HERC3: variants seen among roughly 807,000 people sequenced by gnomAD.
HERC3 encodes HECT and RLD domain containing E3 ubiquitin protein ligase 3.
In HERC3, 58 loss-of-function variants were observed where a neutral mutation model predicts 129.9. The ratio of observed to expected loss-of-function variants is 0.45; its 90% confidence interval spans 0.36 to 0.56. HERC3 has a LOEUF of 0.56. HERC3 is among the 20% of genes least tolerant of loss of function. The pLI, the probability that HERC3 is intolerant of heterozygous loss-of-function variation, is 0.00. For missense variants in HERC3, 835 were observed against 1,244.2 expected (o/e 0.67, Z 4.95); for synonymous variants, 430 against 451.0 (o/e 0.95, Z 0.59).
chr4:88,615,450 A>G (rs1349552159), intron 3 of HERC3, among the ~76,000 whole-genome samples: 1 of 152,186 alleles, frequency 6.6e-6, no homozygotes, highest in East Asian at 1.9e-4. Flanking sequence ...TAGACTTTCC[A>G]TCATTTTTTC....
Position 88,670,236 on chromosome 4 carries a change from T to C in HERC3, c.1895T>C (p.Leu632Ser). The C allele has an allele frequency of 6.2e-7, 1 of 1,608,622 alleles. No individual in the cohort carries two copies. Among genetic ancestry groups the C allele is most frequent in the Non-Finnish European group, 8.5e-7 (1 of 1,175,104 alleles). ...DIQEDYLMWFLHQAGMKARPS... is the reference protein window; with the variant it reads ...DIQEDYLMWFSHQAGMKARPS... ...CAGGAAGACTACCTCATGTGGTTCT[T>C]GCATCAAGCAGGGATGGTAAGAATT... is the stretch of plus-strand genomic sequence containing the variant. Residue 632 changes from leucine (L) to serine (S), a missense_variant, in exon 16 of 26, where the codon TTG becomes TCG. By Grantham distance (145) the Leu-to-Ser change is moderately radical (BLOSUM62 -2). Transcript: ENST00000402738.
intron 7 of HERC3, 94 bp downstream of exon 7, chr4:88,654,227 C>T (rs1729597832): frequency 1.2e-6 from 1 of 850,094 alleles, no homozygotes; most frequent in Non-Finnish European, 1.9e-6. Context: ...TGTGTGATTA[C>T]AGTATTGTGG....
chr4:88,612,289 C>CTGTGTGTGTGTG (rs3220740), intron 3 of HERC3, among the ~76,000 whole-genome samples: 3,197 of 141,620 alleles, frequency 0.023, 74 homozygotes, highest in South Asian at 0.12. Context: ...ATGTGACCAA[C>CTGTGTGTGTGTG]TGTGTGTGTG....
chr4:88,588,344 T>G (rs1311170327), upstream of HERC3, among the ~76,000 whole-genome samples: 1 of 152,254 alleles, frequency 6.6e-6, no homozygotes, highest in East Asian at 1.9e-4. Context: ...TGTTTCATAT[T>G]AATAAATCAA....
At chr4:88,616,778 A>G (rs1724946742) in intron 3 of HERC3, among the ~76,000 whole-genome samples, 1 of 152,158 alleles carries the variant, frequency 6.6e-6, no homozygotes, top group African/African-American at 2.4e-5. Context: ...AATGAGTAAA[A>G]TTTATCATCT....
chr4:88,692,844 T>TG, intron 23 of HERC3: 1 of 967,238 alleles, frequency 1.0e-6, no homozygotes, highest in Non-Finnish European at 1.2e-6. Flanking sequence ...TACCAGCATA[T>TG]GGCCTCTCAG....
chr4:88,703,157 C>T (rs1735474616), intron 23 of HERC3, among the ~76,000 whole-genome samples: 1 of 152,158 alleles, frequency 6.6e-6, no homozygotes, highest in South Asian at 2.1e-4. Flanking sequence ...AATACACACC[C>T]TTAACCAGTC....
intron 3 of HERC3, among the ~76,000 whole-genome samples, chr4:88,627,904 CAAA>C (rs60358778): frequency 2.3e-4 from 19 of 80,956 alleles, no homozygotes; most frequent in Admixed American, 2.7e-4. Flanking sequence ...AACTCCGTCT[CAAA>C]AAAAAAAAAA....
At chr4:88,623,699 T>C (rs1219685063) in intron 3 of HERC3, among the ~76,000 whole-genome samples, 1 of 152,190 alleles carries the variant, frequency 6.6e-6, no homozygotes, top group East Asian at 1.9e-4. Flanking sequence ...CAGAACCACA[T>C]GTTATTTATC....
chr4:88,567,882 T>C, the HERC3 span, among the ~76,000 whole-genome samples: 1 of 152,248 alleles, frequency 6.6e-6, no homozygotes. Flanking sequence ...GCTATGTATT[T>C]ATTTTAATCT....
chr4:88,705,044 A>G (rs575561948), intron 25 of HERC3, among the ~76,000 whole-genome samples: 45 of 152,076 alleles, frequency 3.0e-4, no homozygotes, highest in Non-Finnish European at 4.7e-4. Flanking sequence ...TATTTTTAGT[A>G]GAGATGGGCT....
At chr4:88,643,780 A>G (rs544160633) in intron 3 of HERC3, among the ~76,000 whole-genome samples, 7 of 152,350 alleles carry the variant, frequency 4.6e-5, no homozygotes, top group Non-Finnish European at 8.8e-5. Context: ...ATGTGAGTCA[A>G]TAAAGCTTTC....
chr4:88,526,099 CA>C, the HERC3 span, among the ~76,000 whole-genome samples: 1 of 152,190 alleles, frequency 6.6e-6, no homozygotes, highest in Non-Finnish European at 1.5e-5. Flanking sequence ...TAAAACAGCA[CA>C]GGGGCTAACA....
At chr4:88,620,364 C>T (rs1294643644) in intron 3 of HERC3, among the ~76,000 whole-genome samples, 1 of 152,094 alleles carries the variant, frequency 6.6e-6, no homozygotes, top group Admixed American at 6.5e-5. Context: ...TGTTTTTTCT[C>T]CCTTAAACCT....
chr4:88,697,258 C>T (rs1212893392), intron 23 of HERC3: 5 of 1,561,370 alleles, frequency 3.2e-6, no homozygotes, highest in Non-Finnish European at 4.3e-6. Flanking sequence ...ATGTTTGGCC[C>T]CCGCGGCAGC....
Position 88,686,846 on chromosome 4 carries a change from T to C in HERC3, c.2574+44T>C, listed in dbSNP as rs1733530983. On this transcript the variant is annotated intron_variant, in intron 22 of 25. Transcript: ENST00000402738. ...TACTTAGGATTGTGGCTGTCTCTCT[T>C]ACCATCTTTAGAGTGATATTTAACA... 3.0e-6 allele frequency: 4 copies of C among 1,344,842 alleles called. No individual in the cohort carries two copies. The South Asian group carries it at 4.7e-5, about 16-fold the overall frequency. The allele number at this position is 1,344,842 out of a possible 1,614,324, so 83.3% of individuals were successfully genotyped here. A position where few individuals can be genotyped will look rare whatever the true frequency, so the allele number is the denominator to read the frequency against.
At chr4:88,599,738 A>G (rs1485151668) in intron 2 of HERC3, among the ~76,000 whole-genome samples, 1 of 152,234 alleles carries the variant, frequency 6.6e-6, no homozygotes, top group Non-Finnish European at 1.5e-5. Context: ...CTAGAAACCA[A>G]GTTATTTAAG....
At chr4:88,569,489 A>G in the HERC3 span, among the ~76,000 whole-genome samples, 1 of 152,222 alleles carries the variant, frequency 6.6e-6, no homozygotes, top group East Asian at 1.9e-4. Flanking sequence ...ATAGCTGTTC[A>G]CTTTGGTATT....
the HERC3 span, among the ~76,000 whole-genome samples, chr4:88,580,051 TAGGCCACTAAG>T: frequency 6.6e-6 from 1 of 152,176 alleles, no homozygotes; most frequent in African/African-American, 2.4e-5. Context: ...TGTGTTGTTT[TAGGCCACTAAG>T]TTTGGAGTCA....
Sources: allele counts gnomAD v4.1 joint callset (sites outside exome capture counted in the v4.1 genomes callset), GRCh38; gene constraint gnomAD v4.1.1; transcripts MANE v1.5; gene names NCBI Gene and HGNC (gene_info 2026-07-23, HGNC 2026-07-21).